Variants in C7 observed in about 807,000 individuals in gnomAD.
C7 encodes complement C7, also known as complement component C7.
A neutral mutation model predicts 104.8 loss-of-function variants in C7; 83 were observed. The observed-to-expected ratio is 0.79, with a 90% confidence interval of 0.66 to 0.95. C7 has a LOEUF of 0.95. Ranked by LOEUF, C7 falls within the 40% of genes least tolerant of loss-of-function variation. The pLI is 0.00. For missense variants in C7, 1,070 were observed against 1,011.2 expected (o/e 1.06, Z -0.79); for synonymous variants, 415 against 360.6 (o/e 1.15, Z -1.71).
intron 10 of C7, among the ~76,000 whole-genome samples, chr5:40,956,760 G>A (rs896214332): frequency 3.7e-4 from 57 of 152,274 alleles, no homozygotes; most frequent in African/African-American, 1.3e-3. Context: ...CCCATAAATT[G>A]CCCATTGGCT....
At chr5:40,931,244 T>G (rs1169290522) in intron 3 of C7, 105 bp downstream of exon 3, 4 of 793,202 alleles carry the variant, frequency 5.0e-6, no homozygotes, top group Non-Finnish European at 8.5e-6. Flanking sequence ...TGTCAATATT[T>G]TTTGAAAACT....
chr5:40,934,054 T>A (rs1355670930), intron 3 of C7, among the ~76,000 whole-genome samples: 1 of 151,886 alleles, frequency 6.6e-6, no homozygotes, highest in Non-Finnish European at 1.5e-5. Flanking sequence ...ACATCATTTT[T>A]TTTTTTTTGC....
At chr5:40,911,923 T>A (rs555358099) in intron 1 of C7, among the ~76,000 whole-genome samples, 1 of 151,330 alleles carries the variant, frequency 6.6e-6, no homozygotes, top group South Asian at 2.1e-4. Flanking sequence ...ATTTTTTTTT[T>A]TTTTTTAGTA....
At chr5:40,920,868 G>A (rs1396322081) in intron 1 of C7, among the ~76,000 whole-genome samples, 3 of 152,234 alleles carry the variant, frequency 2.0e-5, no homozygotes, top group African/African-American at 7.2e-5. Flanking sequence ...GCCCAACATG[G>A]GGAAACCCCA....
In C7 at chr5:40,959,591, A is replaced by T; in HGVS notation, c.1632A>T (p.Gln544His). 1 of 1,605,168 alleles carries T rather than the reference A, an allele frequency of 6.2e-7. No homozygotes were observed. The highest frequency in any genetic ancestry group is 8.5e-7 in the Non-Finnish European group (1 of 1,176,138). The change falls in exon 12 of 18, where the codon CAA becomes CAT. Residue 544 changes from glutamine (Q) to histidine (H), a missense_variant. Gln to His is a conservative substitution (Grantham distance 24, BLOSUM62 0). Transcript: ENST00000313164. ...TTGGAGAAACGACAGAAAGCACACA[A>T]TGCGAAGATGAGGAGCTGGAGCACT... Reference protein sequence around the residue: ...SCVGETTESTQCEDEELEHLR... With the variant: ...SCVGETTESTHCEDEELEHLR...
In C7 at chr5:40,983,314, T is replaced by C. The variant is rs1162761486; in HGVS notation, c.*1741T>C. Among the ~76,000 whole-genome samples, 1 of 152,180 alleles carries C rather than the reference T, an allele frequency of 6.6e-6. No homozygotes were observed. The highest frequency in any genetic ancestry group is 2.4e-5 in the African/African-American group (1 of 41,442). ...AATTTCTCCTCTTAGCTTAAGCTAG[T>C]ATGGAGTTAGATTCCTACCGCTTAT... On this transcript the variant is annotated 3_prime_UTR_variant, in exon 18 of 18. Transcript: ENST00000313164.
At chr5:40,974,734 T>C (rs1740778151) in intron 15 of C7, among the ~76,000 whole-genome samples, 1 of 152,212 alleles carries the variant, frequency 6.6e-6, no homozygotes, top group Non-Finnish European at 1.5e-5. Context: ...TATAATAGTT[T>C]AAGCAAACTT....
chr5:40,958,266 G>T lies in C7; in HGVS notation c.1489+5G>T. On this transcript the variant is annotated splice_donor_5th_base_variant and intron_variant, in intron 11 of 17. Transcript: ENST00000313164. The stretch of plus-strand genomic sequence containing the variant: ...TCCTCGTAGGGAATCAAGCAGGTCA[G>T]TGGGGTGAATTTTCTCTAGCCACCC... 1 of 1,576,810 alleles carries T rather than the reference G, an allele frequency of 6.3e-7. No individual in the cohort carries two copies. Among genetic ancestry groups the T allele is most frequent in the Non-Finnish European group, 8.6e-7 (1 of 1,159,342 alleles).
At chr5:40,919,808 C>A (rs1739402801) in intron 1 of C7, among the ~76,000 whole-genome samples, 1 of 151,656 alleles carries the variant, frequency 6.6e-6, no homozygotes, top group Non-Finnish European at 1.5e-5. Flanking sequence ...AATGGAAACA[C>A]AACATAGCAA....
At position 40,964,732 on chromosome 5, in the gene C7, T is replaced by C; in HGVS notation, c.1750-9T>C. ...ACTCTTTCCTTTTCCATCTTTTACT[T>C]TTGTTTAGGATGAAGGTACAATGTT... On this transcript the variant is annotated splice_polypyrimidine_tract_variant and intron_variant, in intron 13 of 17. Coordinates refer to ENST00000313164, the MANE Select transcript of C7 (RefSeq NM_000587.4). The C allele has an allele frequency of 6.2e-7, 1 of 1,609,180 alleles. No homozygotes were observed. Among genetic ancestry groups the C allele is most frequent in the Middle Eastern group, 1.7e-4 (1 of 6,042 alleles).
chr5:40,964,890 G>GTA lies in C7; in HGVS notation c.1882+22_1882+23dup. 6.2e-7 allele frequency: 1 copy of GTA among 1,612,522 alleles called. No individual in the cohort carries two copies. The highest frequency in any genetic ancestry group is 1.1e-5 in the South Asian group (1 of 90,690). Reference sequence around the variant, plus strand: ...ATTGTCAGAGTGAGTGGCGTCAGTTGTATATAATTTAAGATGAGAAAATTA... The same window carrying GTA: ...ATTGTCAGAGTGAGTGGCGTCAGTTGTATATATAATTTAAGATGAGAAAATTA... On this transcript the variant is annotated intron_variant, in intron 14 of 17. Transcript: ENST00000313164.
At chr5:40,933,199 G>T (rs190242106) in intron 3 of C7, among the ~76,000 whole-genome samples, 1 of 152,290 alleles carries the variant, frequency 6.6e-6, no homozygotes, top group Admixed American at 6.5e-5. Flanking sequence ...TACCTGCTCA[G>T]AGTTCAAATT....
At chr5:40,915,704 TCA>T (rs1739304020) in intron 1 of C7, among the ~76,000 whole-genome samples, 1 of 152,212 alleles carries the variant, frequency 6.6e-6, no homozygotes, top group Non-Finnish European at 1.5e-5. Context: ...CCAACATTGT[TCA>T]CAGTTTCCCA....
intron 2 of C7, 145 bp downstream of exon 2, chr5:40,928,780 A>G: frequency 1.9e-6 from 1 of 525,556 alleles, no homozygotes; most frequent in Non-Finnish European, 3.3e-6. Flanking sequence ...AAAGACAATG[A>G]TAACAAAAGC....
At chr5:40,968,906 C>T (rs893148789) in intron 14 of C7, among the ~76,000 whole-genome samples, 1 of 151,794 alleles carries the variant, frequency 6.6e-6, no homozygotes, top group African/African-American at 2.4e-5. Context: ...GCCATCGTGC[C>T]TGGCTATTTT....
chr5:40,924,589 G>T (rs1739513512), intron 1 of C7, among the ~76,000 whole-genome samples: 1 of 152,180 alleles, frequency 6.6e-6, no homozygotes, highest in Non-Finnish European at 1.5e-5. Flanking sequence ...CCTTGTAGAG[G>T]TTCCCTGTGA....
rs368610795 is a variant in C7 at position 40,959,576 on chromosome 5, G to A, written c.1617G>A (p.Thr539=). 1.4e-4 allele frequency: 231 copies of A among 1,608,456 alleles called. 1 individual carries two copies. The highest frequency in any genetic ancestry group is 3.6e-4 in the African/African-American group (27 of 74,638). ...GTGGGAGATCCTGCGTTGGAGAAAC[G>A]ACAGAAAGCACACAATGCGAAGATG... ...SGGGRSCVGE[T]TESTQCEDEE... is the part of the protein sequence containing the mutation. Residue 539 remains threonine, a synonymous_variant, in exon 12 of 18, where the codon ACG becomes ACA. Coordinates refer to ENST00000313164, the MANE Select transcript of C7 (RefSeq NM_000587.4).
At chr5:40,955,849 T>G (rs1740280963) in intron 10 of C7, among the ~76,000 whole-genome samples, 1 of 152,194 alleles carries the variant, frequency 6.6e-6, no homozygotes, top group Admixed American at 6.5e-5. Flanking sequence ...CCTTGGTCCC[T>G]AATTCAGAGG....
At chr5:40,935,228 C>T (rs1299802564) in intron 4 of C7, among the ~76,000 whole-genome samples, 1 of 152,188 alleles carries the variant, frequency 6.6e-6, no homozygotes, top group Non-Finnish European at 1.5e-5. Context: ...CAATCACTTC[C>T]ATATTTTCCT....
Sources: gnomAD v4.1 joint callset for allele counts (sites outside exome capture counted in the v4.1 genomes callset) on GRCh38, gnomAD v4.1.1 for gene constraint, MANE v1.5 for transcripts, NCBI Gene and HGNC (gene_info 2026-07-23, HGNC 2026-07-21) for gene names.